CEP89: variants seen among roughly 807,000 people sequenced by gnomAD.
CEP89 encodes the protein centrosomal protein of 89 kDa.
CEP89 carries 95 observed loss-of-function variants against 97.6 expected under a neutral mutation model. That is an observed-to-expected ratio of 0.97 (90% CI 0.82 to 1.15). The LOEUF (loss-of-function observed/expected upper bound fraction) is 1.15. Ranked by LOEUF, CEP89 falls within the 50% of genes most tolerant of loss-of-function variation. The pLI, the probability that CEP89 is intolerant of heterozygous loss-of-function variation, is 0.00. For missense variants in CEP89, 869 were observed against 947.7 expected, an observed-to-expected ratio of 0.92 and a Z score of 1.09; for synonymous variants, 354 against 349.1, an observed-to-expected ratio of 1.01 and a Z score of -0.16.
intron 6 of CEP89, among the ~76,000 whole-genome samples, 176 bp from the exon 7 acceptor site, chr19:32,937,849 T>C (rs1970610419): frequency 6.6e-6 from 1 of 152,126 alleles, no homozygotes; most frequent in African/African-American, 2.4e-5. Context: ...TATTTCTTTT[T>C]TTCCTTTTTT....
chr19:32,971,753 C>A, intron 1 of CEP89, 83 bp downstream of exon 1: 2 of 1,445,900 alleles, frequency 1.4e-6, no homozygotes, highest in East Asian at 2.5e-5. Flanking sequence ...GGATCTCAGG[C>A]CAAACCCCAA....
chr19:32,933,871 G>A (rs1483014385), intron 7 of CEP89, among the ~76,000 whole-genome samples: 1 of 152,152 alleles, frequency 6.6e-6, no homozygotes, highest in African/African-American at 2.4e-5. Flanking sequence ...CTGAGGGGAG[G>A]CCAGAAAGGG....
intron 4 of CEP89, among the ~76,000 whole-genome samples, chr19:32,950,905 T>C (rs1283130008): frequency 3.9e-5 from 6 of 152,158 alleles, no homozygotes; most frequent in Non-Finnish European, 7.3e-5. Flanking sequence ...AAATAATGCA[T>C]ATCGTCTAAT....
chr19:32,938,730 G>T (rs1970627053), intron 6 of CEP89, among the ~76,000 whole-genome samples: 1 of 152,058 alleles, frequency 6.6e-6, no homozygotes, highest in Non-Finnish European at 1.5e-5. Context: ...AGGTGGGATC[G>T]CCTGAGGTCA....
chr19:32,965,761 A>G (rs1971268804), intron 2 of CEP89, among the ~76,000 whole-genome samples: 1 of 151,916 alleles, frequency 6.6e-6, no homozygotes, highest in South Asian at 2.1e-4. Context: ...GATGCCTGTA[A>G]TCCCAGCACT....
At chr19:32,913,298 T>C (rs1045226467) in intron 14 of CEP89, among the ~76,000 whole-genome samples, 8 of 33,106 alleles carry the variant, frequency 2.4e-4, no homozygotes, top group African/African-American at 1.2e-3. Flanking sequence ...CATATATATA[T>C]ATATATATTT....
Position 32,943,164 on chromosome 19 carries a change from T to C in CEP89, c.596-3279A>G, listed in dbSNP as rs113033582. Among the ~76,000 whole-genome samples, 1,020 of 152,328 alleles carry C rather than the reference T, an allele frequency of 6.7e-3. 17 individuals are homozygous for C. The highest frequency in any genetic ancestry group is 0.023 in the African/African-American group (950 of 41,572). ...AGGTGTGTGCCATTATGCCGGCTAA[T>C]TTTTTACATTTTTGTAGAAACGGGG... On this transcript the variant is annotated intron_variant, in intron 5 of 18. Transcript: ENST00000305768.
chr19:32,898,760 T>C (rs189208077), intron 16 of CEP89, among the ~76,000 whole-genome samples: 38 of 151,696 alleles, frequency 2.5e-4, no homozygotes, highest in African/African-American at 8.2e-4. Flanking sequence ...CATGCACCTG[T>C]AGTCCCAGCT....
chr19:32,924,004 C>CTTTTT (rs746080149), intron 11 of CEP89, among the ~76,000 whole-genome samples: 1 of 129,754 alleles, frequency 7.7e-6, no homozygotes, highest in African/African-American at 2.8e-5. Context: ...GGAGGAAGCT[C>CTTTTT]TTTTTTTTTT....
chr19:32,969,782 T>A (rs984862853), intron 1 of CEP89: 3 of 152,202 alleles, frequency 2.0e-5, no homozygotes, highest in African/African-American at 7.2e-5. Flanking sequence ...TTCTGCCTGT[T>A]CCCGGCTCCC....
chr19:32,933,324 CA>C, intron 8 of CEP89, 126 bp downstream of exon 8: 3 of 761,588 alleles, frequency 3.9e-6, no homozygotes, highest in Non-Finnish European at 4.3e-6. Context: ...AGGATATTAA[CA>C]AAAAAACCTG....
intron 4 of CEP89, 34 bp from the exon 5 acceptor site, chr19:32,948,402 T>C: frequency 7.2e-7 from 1 of 1,386,252 alleles, no homozygotes; most frequent in South Asian, 1.2e-5. Context: ...AGCAAAAAAG[T>C]GAGAAAGGTA....
At chr19:32,913,293 A>T (rs1970045433) in intron 14 of CEP89, among the ~76,000 whole-genome samples, 1 of 37,262 alleles carries the variant, frequency 2.7e-5, no homozygotes, top group South Asian at 1.8e-3. Flanking sequence ...GCCACCATAT[A>T]TATATATATA....
At position 32,876,840 on chromosome 19, in the gene CEP89, A is replaced by G. The variant is rs1969185906; in HGVS notation, c.*2322T>C. On this transcript the variant is annotated 3_prime_UTR_variant, in exon 19 of 19. Coordinates refer to ENST00000305768, the MANE Select transcript of CEP89 (RefSeq NM_032816.5). ...CCAGGAGTCCCCATACTTGCAAAGT[A>G]TGTTTGCACTGTGTGAAAAACTTAA... The G allele has an allele frequency of 6.6e-6, 1 of 152,290 alleles. No individual in the cohort carries two copies. The highest frequency in any genetic ancestry group is 2.1e-4 in the South Asian group (1 of 4,832). The allele number at this position is 152,290 out of a possible 1,614,324, so 9.4% of individuals were successfully genotyped here.
chr19:32,956,049 CTTTTTTTTT>C (rs202179963), intron 3 of CEP89, among the ~76,000 whole-genome samples: 37 of 105,738 alleles, frequency 3.5e-4, no homozygotes, highest in East Asian at 8.3e-4. Context: ...CAATTTGGTT[CTTTTTTTTT>C]TTTTTTTTTT....
intron 9 of CEP89, among the ~76,000 whole-genome samples, chr19:32,929,303 G>A (rs2145925667): frequency 6.6e-6 from 1 of 152,176 alleles, no homozygotes; most frequent in East Asian, 1.9e-4. Context: ...GTCTGCAATG[G>A]TTTAAAAGAG....
At chr19:32,965,697 A>AATTAATAAATTATTAAATTAATTATT (rs1354951307) in intron 2 of CEP89, among the ~76,000 whole-genome samples, 1 of 148,876 alleles carries the variant, frequency 6.7e-6, no homozygotes, top group South Asian at 2.2e-4. Flanking sequence ...TCTTGCCTTG[A>AATTAATAAATTATTAAATTAATTATT]AAAAAAAATT....
intron 10 of CEP89, among the ~76,000 whole-genome samples, 194 bp from the exon 11 acceptor site, chr19:32,926,467 G>A (rs1189557392): frequency 6.6e-6 from 1 of 152,092 alleles, no homozygotes; most frequent in Non-Finnish European, 1.5e-5. Flanking sequence ...TCCAATTTCA[G>A]GGATCTATAT....
intron 13 of CEP89, 59 bp from the exon 14 acceptor site, chr19:32,915,576 A>C: frequency 6.9e-7 from 1 of 1,442,564 alleles, no homozygotes; most frequent in Non-Finnish European, 9.6e-7. Flanking sequence ...AAACACAATT[A>C]TGGGCTATTA....
Sources: gnomAD v4.1 joint callset for allele counts (sites outside exome capture counted in the v4.1 genomes callset) on GRCh38, gnomAD v4.1.1 for gene constraint, MANE v1.5 for transcripts, NCBI Gene and HGNC (gene_info 2026-07-23, HGNC 2026-07-21) for gene names.